The following SV2C variants were observed in gnomAD, a reference collection of about 807,000 sequenced individuals.
SV2C encodes the protein solute carrier family 22 member B3.
In SV2C, 49 loss-of-function variants were observed where a neutral mutation model predicts 79.7. That is an observed-to-expected ratio of 0.61 (90% CI 0.49 to 0.78). The LOEUF (loss-of-function observed/expected upper bound fraction) is 0.78. SV2C is among the 30% of genes least tolerant of loss of function. The probability of loss-of-function intolerance (pLI) is 0.00; values close to 1 mark genes in which losing one functional copy is unlikely to be tolerated. For synonymous variants in SV2C, 334 were observed against 333.2 expected (o/e 1.00, Z -0.03); for missense variants, 833 against 912.9 (o/e 0.91, Z 1.13).
intron 2 of SV2C, among the ~76,000 whole-genome samples, chr5:76,146,388 G>A (rs745659857): frequency 6.6e-6 from 1 of 152,188 alleles, no homozygotes; most frequent in African/African-American, 2.4e-5. Context: ...TTGGTGATAT[G>A]CTAAACAAGG....
intron 4 of SV2C, among the ~76,000 whole-genome samples, chr5:76,282,997 G>A (rs776988793): frequency 1.6e-4 from 24 of 152,166 alleles, no homozygotes; most frequent in Non-Finnish European, 3.1e-4. Flanking sequence ...GAGCGACAGA[G>A]TGAGACTCCA....
At chr5:75,895,727 T>C in the SV2C span, among the ~76,000 whole-genome samples, 8 of 152,088 alleles carry the variant, frequency 5.3e-5, no homozygotes, top group Non-Finnish European at 8.8e-5. Context: ...TGTTGCTTCT[T>C]TTTCACTCCT....
intron 2 of SV2C, among the ~76,000 whole-genome samples, chr5:76,136,006 G>GT (rs1347455003): frequency 6.6e-6 from 1 of 152,206 alleles, no homozygotes; most frequent in Admixed American, 6.5e-5. Flanking sequence ...GACCCATCCA[G>GT]TGAAGCAGAG....
chr5:75,956,459 G>A, the SV2C span, among the ~76,000 whole-genome samples: 2 of 151,570 alleles, frequency 1.3e-5, no homozygotes, highest in Non-Finnish European at 2.9e-5. Flanking sequence ...TGACGAGTTA[G>A]TGGGTGCAGC....
At chr5:75,894,186 C>T in the SV2C span, among the ~76,000 whole-genome samples, 1 of 151,974 alleles carries the variant, frequency 6.6e-6, no homozygotes, top group South Asian at 2.1e-4. Context: ...AGTACTCTAG[C>T]CCAGAGGGAT....
chr5:75,902,187 C>T, the SV2C span, among the ~76,000 whole-genome samples: 9 of 152,198 alleles, frequency 5.9e-5, no homozygotes, highest in African/African-American at 7.2e-5. Context: ...TTGTCGCTCA[C>T]GCTGGGAGCT....
the SV2C span, among the ~76,000 whole-genome samples, chr5:76,045,758 G>C: frequency 6.6e-6 from 1 of 152,102 alleles, no homozygotes; most frequent in African/African-American, 2.4e-5. Context: ...AAATAGCGTG[G>C]TAATTTGCTG....
intron 2 of SV2C, among the ~76,000 whole-genome samples, chr5:76,140,191 T>C (rs1384260100): frequency 6.6e-6 from 1 of 152,192 alleles, no homozygotes; most frequent in African/African-American, 2.4e-5. Context: ...ACAAGCACTA[T>C]TTGGACTCTA....
At chr5:76,316,062 T>C (rs1748606260) in intron 12 of SV2C, among the ~76,000 whole-genome samples, 1 of 152,182 alleles carries the variant, frequency 6.6e-6, no homozygotes, top group African/African-American at 2.4e-5. Context: ...AATGGTTCCA[T>C]GCTAAATAAA....
intron 1 of SV2C, among the ~76,000 whole-genome samples, chr5:76,111,755 T>C (rs963747065): frequency 6.6e-6 from 1 of 152,222 alleles, no homozygotes; most frequent in African/African-American, 2.4e-5. Flanking sequence ...CTGCATCGTG[T>C]GAGTCATGTT....
At chr5:75,900,756 C>T in the SV2C span, among the ~76,000 whole-genome samples, 1 of 152,214 alleles carries the variant, frequency 6.6e-6, no homozygotes, top group African/African-American at 2.4e-5. Flanking sequence ...TCACATAGTC[C>T]CATATTTCTT....
At chr5:76,124,169 T>C (rs1748625058) in intron 1 of SV2C, among the ~76,000 whole-genome samples, 1 of 152,190 alleles carries the variant, frequency 6.6e-6, no homozygotes, top group African/African-American at 2.4e-5. Flanking sequence ...CTATTGAATA[T>C]GTTCATAATG....
Position 76,133,299 on chromosome 5 carries a change from A to G in SV2C, c.580+969A>G, listed in dbSNP as rs79353405. 9.8e-3 allele frequency among the ~76,000 whole-genome samples: 1,497 copies of G among 152,376 alleles called. 13 individuals are homozygous for G. Among genetic ancestry groups the G allele is most frequent in the South Asian group, 0.042 (201 of 4,832 alleles). ...ATGTGTTTCAGAGTCTATGAAAGAA[A>G]GAATACTTAGTATCTATGTTTCCAA... On this transcript the variant is annotated intron_variant, in intron 2 of 12. Coordinates refer to ENST00000502798, the MANE Select transcript of SV2C (RefSeq NM_014979.4).
At chr5:76,285,134 C>T (rs1405529787) in intron 4 of SV2C, 28 bp from the exon 5 acceptor site, 1 of 1,612,240 alleles carries the variant, frequency 6.2e-7, no homozygotes, top group South Asian at 1.1e-5. Flanking sequence ...AGGAGCTCTC[C>T]CTCACTCTCC....
chr5:76,055,725 C>G, the SV2C span, among the ~76,000 whole-genome samples: 1 of 151,962 alleles, frequency 6.6e-6, no homozygotes, highest in Admixed American at 6.6e-5. Flanking sequence ...CCCTTGTAAG[C>G]TGTATTCCTA....
chr5:76,159,160 C>G (rs1320843873), intron 2 of SV2C, among the ~76,000 whole-genome samples: 1 of 152,016 alleles, frequency 6.6e-6, no homozygotes, highest in Non-Finnish European at 1.5e-5. Context: ...ACAAGAAACT[C>G]ACAGGTAACA....
intron 12 of SV2C, among the ~76,000 whole-genome samples, chr5:76,346,646 T>C (rs1749550137): frequency 6.6e-6 from 1 of 152,266 alleles, no homozygotes; most frequent in South Asian, 2.1e-4. Flanking sequence ...AATGCATGTA[T>C]ATATTTTGTT....
At chr5:76,228,998 C>A (rs1339437809) in intron 4 of SV2C, among the ~76,000 whole-genome samples, 1 of 152,228 alleles carries the variant, frequency 6.6e-6, no homozygotes, top group Non-Finnish European at 1.5e-5. Context: ...GTGGCCCATG[C>A]CCAGCTTTCT....
At chr5:76,226,823 T>C (rs1280813707) in intron 4 of SV2C, among the ~76,000 whole-genome samples, 1 of 152,174 alleles carries the variant, frequency 6.6e-6, no homozygotes, top group African/African-American at 2.4e-5. Flanking sequence ...GATGTGTCTC[T>C]CTGGGAGCCT....
Sources: allele counts gnomAD v4.1 joint callset (sites outside exome capture counted in the v4.1 genomes callset), GRCh38; gene constraint gnomAD v4.1.1; transcripts MANE v1.5; gene names NCBI Gene and HGNC (gene_info 2026-07-23, HGNC 2026-07-21).